JAKMIP2: variants seen among roughly 807,000 people sequenced by gnomAD.
JAKMIP2 encodes janus kinase and microtubule interacting protein 2.
JAKMIP2 carries 25 observed loss-of-function variants against 115.0 expected under a neutral mutation model. The ratio of observed to expected loss-of-function variants is 0.22; its 90% CI spans 0.16 to 0.30. JAKMIP2 has a LOEUF of 0.30. Among genes scored for constraint, JAKMIP2 ranks in the 10% least tolerant of loss-of-function variants. The pLI is 1.00. For synonymous variants in JAKMIP2, 334 were observed against 343.6 expected (o/e 0.97, Z 0.31); for missense variants, 642 against 957.6 (o/e 0.67, Z 4.35).
chr5:147,656,226 G>A (rs1023977395), intron 3 of JAKMIP2, among the ~76,000 whole-genome samples: 15 of 152,210 alleles, frequency 9.9e-5, no homozygotes. Context: ...GAGCTGAGTT[G>A]AAGTCCTGAA....
In JAKMIP2 at chr5:147,636,240, GTTTCTCTTA is replaced by G; in HGVS notation, c.1650_1658del (p.Lys551_Asn553del). The G allele has an allele frequency of 6.2e-7, 1 of 1,613,810 alleles. No individual in the cohort carries two copies. The highest frequency in any genetic ancestry group is 1.1e-5 in the South Asian group (1 of 91,064). ...AACATACCTTTTCTAAAAGCTCCTG[GTTTCTCTTA>G]ATGAAAAGTTGTTTATCTTCTACCC... is the stretch of plus-strand genomic sequence containing the variant. On this transcript the variant is annotated inframe_deletion, in exon 12 of 22. Coordinates refer to ENST00000616793, the MANE Select transcript of JAKMIP2 (RefSeq NM_001270941.2).
At chr5:147,747,818 A>C (rs1037454239) in intron 1 of JAKMIP2, among the ~76,000 whole-genome samples, 1 of 152,064 alleles carries the variant, frequency 6.6e-6, no homozygotes, top group African/African-American at 2.4e-5. Context: ...GTTCTCTCCT[A>C]TATGCCCTGT....
In JAKMIP2 at chr5:147,588,117, T is replaced by C. The variant is rs1754949860; in HGVS notation, c.*3590A>G. On this transcript the variant is annotated 3_prime_UTR_variant, in exon 22 of 22. Coordinates refer to ENST00000616793, the MANE Select transcript of JAKMIP2 (RefSeq NM_001270941.2). ...AAGAAAAGTTTGACATTCAATTTAGTAATAGATGCTTTTTAAGTATGATAG... is the reference window on the plus strand; with the variant it reads ...AAGAAAAGTTTGACATTCAATTTAGCAATAGATGCTTTTTAAGTATGATAG... The C allele has an allele frequency of 6.6e-6, 1 of 152,152 alleles. No homozygotes were observed. Among genetic ancestry groups the C allele is most frequent in the Non-Finnish European group, 1.5e-5 (1 of 68,020 alleles). 9.4% of individuals were successfully genotyped at this position (152,152 alleles called of 1,614,324 possible).
chr5:147,650,582 CA>C (rs1223623234), intron 3 of JAKMIP2, 35 bp from the exon 4 acceptor site: 1 of 1,485,084 alleles, frequency 6.7e-7, no homozygotes. Context: ...TTTTATTTAA[CA>C]ATGCTGTAAA....
intron 1 of JAKMIP2, among the ~76,000 whole-genome samples, chr5:147,731,961 C>A (rs570964025): frequency 6.6e-6 from 1 of 152,168 alleles, no homozygotes; most frequent in Non-Finnish European, 1.5e-5. Flanking sequence ...GAGAAGAAAA[C>A]CACTCAGCAT....
intron 14 of JAKMIP2, among the ~76,000 whole-genome samples, chr5:147,630,054 A>G (rs944056796): frequency 1.3e-5 from 2 of 152,156 alleles, no homozygotes; most frequent in African/African-American, 4.8e-5. Flanking sequence ...GTAGTAAAAG[A>G]CTTGGAATAT....
At chr5:147,716,983 A>C (rs1326052940) in intron 1 of JAKMIP2, among the ~76,000 whole-genome samples, 2 of 139,272 alleles carry the variant, frequency 1.4e-5, no homozygotes, top group Non-Finnish European at 3.1e-5. Flanking sequence ...TTTTAGGTCT[A>C]ACGTTTAAGT....
chr5:147,592,542 C>G (rs1755148567), intron 21 of JAKMIP2, among the ~76,000 whole-genome samples: 1 of 152,102 alleles, frequency 6.6e-6, no homozygotes, highest in African/African-American at 2.4e-5. Flanking sequence ...CCAATGAAAG[C>G]CAGAAATAGC....
At chr5:147,673,189 T>C (rs1314478046) in intron 1 of JAKMIP2, among the ~76,000 whole-genome samples, 1 of 152,112 alleles carries the variant, frequency 6.6e-6, no homozygotes, top group Admixed American at 6.5e-5. Context: ...GGAAGGCAGA[T>C]GTGTCTTGAT....
chr5:147,603,012 C>T (rs886933146), intron 20 of JAKMIP2, among the ~76,000 whole-genome samples: 1 of 152,040 alleles, frequency 6.6e-6, no homozygotes, highest in East Asian at 1.9e-4. Flanking sequence ...AGGAGAAGTT[C>T]GAGAATGAGA....
intron 21 of JAKMIP2, among the ~76,000 whole-genome samples, chr5:147,598,545 G>A (rs1251043659): frequency 3.3e-5 from 5 of 151,854 alleles, no homozygotes; most frequent in East Asian, 3.9e-4. Context: ...TATGCCATTC[G>A]TTTGGAAAAC....
At chr5:147,690,542 TATATATATATATATATA>T (rs1561540634) in intron 1 of JAKMIP2, among the ~76,000 whole-genome samples, 297 of 1,746 alleles carry the variant, frequency 0.17, 4 homozygotes, top group African/African-American at 0.38. Context: ...AAAGAGATTA[TATATATATATATATATA>T]TATATATATA....
At chr5:147,701,094 G>T (rs1752307253) in intron 1 of JAKMIP2, among the ~76,000 whole-genome samples, 1 of 152,090 alleles carries the variant, frequency 6.6e-6, no homozygotes, top group Non-Finnish European at 1.5e-5. Context: ...GTCAAAATAT[G>T]CTGAAGACCA....
At chr5:147,766,527 T>G (rs1755164276) in intron 1 of JAKMIP2, among the ~76,000 whole-genome samples, 1 of 152,134 alleles carries the variant, frequency 6.6e-6, no homozygotes, top group African/African-American at 2.4e-5. Context: ...TGTGTCACAT[T>G]GCTTTACTCT....
Position 147,631,448 on chromosome 5 carries a change from C to T in JAKMIP2, c.1840G>A (p.Ala614Thr). The T allele has an allele frequency of 6.2e-7, 1 of 1,611,714 alleles. No individual in the cohort carries two copies. The highest frequency in any genetic ancestry group is 8.5e-7 in the Non-Finnish European group (1 of 1,178,002). The change falls in exon 14 of 22, where the codon GCT (alanine) becomes ACT (threonine). Residue 614 changes from alanine (A) to threonine (T), a missense_variant. By Grantham distance (58) the Ala-to-Thr change is moderately conservative. Around this residue, in one of 6 missense-constraint regions of JAKMIP2, gnomAD observed 103 missense variants for 177.6 expected, o/e 0.58. Coordinates refer to ENST00000616793, the MANE Select transcript of JAKMIP2 (RefSeq NM_001270941.2). ...QIHPFSDGVS[A>T]LQIYCMKEGV... Reference sequence around the variant, plus strand: ...TCTTTCATACAGTAGATCTGTAGAGCACTCACACCATCTGAGAATGGGTGA... The same window carrying T: ...TCTTTCATACAGTAGATCTGTAGAGTACTCACACCATCTGAGAATGGGTGA...
At chr5:147,669,609 T>C (rs894205851) in intron 2 of JAKMIP2, among the ~76,000 whole-genome samples, 1 of 152,200 alleles carries the variant, frequency 6.6e-6, no homozygotes, top group Non-Finnish European at 1.5e-5. Flanking sequence ...AGTCTCGAGA[T>C]TGACAAGCTT....
chr5:147,653,830 T>C (rs1216627618), intron 3 of JAKMIP2, among the ~76,000 whole-genome samples: 2 of 152,220 alleles, frequency 1.3e-5, no homozygotes, highest in African/African-American at 4.8e-5. Context: ...CTTTTAAGGT[T>C]TGTATGGTTT....
At chr5:147,690,417 T>G (rs1210883234) in intron 1 of JAKMIP2, among the ~76,000 whole-genome samples, 1 of 151,130 alleles carries the variant, frequency 6.6e-6, no homozygotes, top group African/African-American at 2.4e-5. Flanking sequence ...ATGCAATAGT[T>G]TAAAAACACA....
In JAKMIP2 at chr5:147,769,941, A is replaced by G. The variant is rs1253124691; in HGVS notation, c.-149+12515T>C. 8.5e-5 allele frequency among the ~76,000 whole-genome samples: 13 copies of G among 152,256 alleles called. 1 individual carries two copies. Among genetic ancestry groups the G allele is most frequent in the African/African-American group, 3.1e-4 (13 of 41,568 alleles). On this transcript the variant is annotated intron_variant, in intron 1 of 21. Transcript: ENST00000616793. ...TTTACCACATTTTGTTAAAGATGTA[A>G]AATGCATTTTAGTAAATCTGGAAAT...
Sources: allele counts gnomAD v4.1 joint callset (sites outside exome capture counted in the v4.1 genomes callset), GRCh38; gene constraint gnomAD v4.1.1; regional missense constraint gnomAD v4.1.1; transcripts MANE v1.5; gene names NCBI Gene and HGNC (gene_info 2026-07-23, HGNC 2026-07-21).